FAM216A: variants seen among roughly 807,000 people sequenced by gnomAD.
FAM216A encodes protein FAM216A.
A neutral mutation model predicts 37.6 loss-of-function variants in FAM216A; 26 were observed. That is an observed-to-expected ratio of 0.69 (90% CI 0.51 to 0.96). The LOEUF is 0.96. Among genes scored for constraint, FAM216A ranks in the 40% least tolerant of loss-of-function variants. FAM216A has a pLI of 0.00. For missense variants in FAM216A, 326 were observed against 339.3 expected (o/e 0.96, Z 0.31); for synonymous variants, 110 against 121.7 (o/e 0.90, Z 0.64).
upstream of FAM216A, chr12:110,468,821 G>A (rs1466920155): frequency 4.1e-6 from 6 of 1,462,684 alleles, no homozygotes; most frequent in South Asian, 8.0e-5. Context: ...GCCAGCATCC[G>A]AGCCGCCTCT....
chr12:110,475,918 G>C (rs1302070325), intron 2 of FAM216A, among the ~76,000 whole-genome samples: 1 of 151,676 alleles, frequency 6.6e-6, no homozygotes, highest in Non-Finnish European at 1.5e-5. Flanking sequence ...TATATTTTTA[G>C]TAGAGATAGG....
rs957793499 is a variant in FAM216A, at chr12:110,468,867, G to T, written c.-9G>T. On this transcript the variant is annotated 5_prime_UTR_variant, in exon 1 of 7. Coordinates refer to ENST00000377673, the MANE Select transcript of FAM216A (RefSeq NM_013300.3). ...AGCAGCCTGACGCACGCGTGCTGTC[G>T]GGGGAGGGATGCTGGGACAGCTGCT... 1 of 1,497,306 alleles carries T rather than the reference G, an allele frequency of 6.7e-7. No individual in the cohort carries two copies. Among genetic ancestry groups the T allele is most frequent in the Non-Finnish European group, 8.9e-7 (1 of 1,123,658 alleles). 92.8% of individuals were successfully genotyped at this position (1,497,306 alleles called of 1,614,324 possible).
intron 2 of FAM216A, among the ~76,000 whole-genome samples, chr12:110,474,705 A>G (rs1177728606): frequency 6.8e-6 from 1 of 147,320 alleles, no homozygotes. Flanking sequence ...AAAAAAAAAA[A>G]AAAAAAAAAA....
In FAM216A at chr12:110,469,126, G is replaced by A. The variant is rs557246690; in HGVS notation, c.143+108G>A. 7.4e-5 allele frequency: 93 copies of A among 1,265,220 alleles called. 1 individual carries two copies. In the South Asian group the frequency reaches 1.7e-3, roughly 23 times the overall value. The allele number at this position is 1,265,220 out of a possible 1,614,324, so 78.4% of individuals were successfully genotyped here. A position where few individuals can be genotyped will look rare whatever the true frequency, so the allele number is the denominator to read the frequency against. On this transcript the variant is annotated intron_variant, in intron 1 of 6. Coordinates refer to ENST00000377673, the MANE Select transcript of FAM216A (RefSeq NM_013300.3). ...AGGGCTGCGGCCGACCTCTCGTCTC[G>A]GGGGCTGGCCCCGGTGCCCTCAAGT...
At chr12:110,482,591 C>A (rs182624351) in intron 2 of FAM216A, among the ~76,000 whole-genome samples, 8 of 150,898 alleles carry the variant, frequency 5.3e-5, no homozygotes, top group African/African-American at 1.9e-4. Flanking sequence ...CTCAGGAGAT[C>A]GAGACCATCC....
At chr12:110,486,761 A>ATT (rs370427865) in intron 5 of FAM216A, 44 bp downstream of exon 5, 59 of 1,290,248 alleles carry the variant, frequency 4.6e-5, no homozygotes, top group Non-Finnish European at 5.1e-5. Context: ...TCTCAGTTTA[A>ATT]TTTTTTTTTT....
At chr12:110,468,738 G>C, upstream of FAM216A, 2 of 1,490,834 alleles carry the variant, frequency 1.3e-6, no homozygotes, top group Non-Finnish European at 1.8e-6. Flanking sequence ...GTAACTCCGG[G>C]GTCGCGGATC....
intron 1 of FAM216A, 53 bp from the exon 2 acceptor site, chr12:110,473,025 C>A (rs1163082291): frequency 7.5e-6 from 4 of 534,034 alleles, no homozygotes; most frequent in African/African-American, 2.1e-5. Context: ...TTGTTCAGTG[C>A]TTGTAACATT....
At chr12:110,480,494 C>T (rs1015222530) in intron 2 of FAM216A, among the ~76,000 whole-genome samples, 3 of 151,718 alleles carry the variant, frequency 2.0e-5, no homozygotes, top group Admixed American at 6.6e-5. Context: ...TGAGCCACCA[C>T]GCCCAGCCTA....
upstream of FAM216A, chr12:110,468,551 G>C (rs746034393): frequency 3.3e-6 from 5 of 1,537,174 alleles, no homozygotes; most frequent in African/African-American, 5.5e-5. Flanking sequence ...GCAGACGTTT[G>C]ACCTGTATGG....
At chr12:110,469,080 G>A (rs575740467) in intron 1 of FAM216A, 62 bp downstream of exon 1, 244 of 1,375,392 alleles carry the variant, frequency 1.8e-4, no homozygotes, top group Non-Finnish European at 2.2e-4. Flanking sequence ...TGAGGCCCCC[G>A]GGTCGTGAGC....
At chr12:110,477,929 A>C in intron 2 of FAM216A, among the ~76,000 whole-genome samples, 2 of 147,566 alleles carry the variant, frequency 1.4e-5, no homozygotes, top group South Asian at 4.3e-4. Context: ...AGATGGTCTC[A>C]ATCTCCTGAC....
chr12:110,485,164 CT>C lies in FAM216A; in HGVS notation c.272del (p.Leu91ProfsTer5). 6.2e-7 allele frequency: 1 copy of C among 1,612,386 alleles called. No homozygotes were observed. Among genetic ancestry groups the C allele is most frequent in the Non-Finnish European group, 8.5e-7 (1 of 1,179,582 alleles). ...AACTCCCCAAAATCAAACAATCCAC[CT>C]CTCTAAATCAATGATGGAGGCGTCC... ...WKTPQNQTIH[L>X]SKSMMEASFF... On this transcript the variant is annotated frameshift_variant, in exon 3 of 7. Transcript: ENST00000377673. LOFTEE classifies it high-confidence loss of function.
At chr12:110,485,221 T>G in intron 3 of FAM216A, 22 bp downstream of exon 3, 1 of 1,593,330 alleles carries the variant, frequency 6.3e-7, no homozygotes, top group Non-Finnish European at 8.5e-7. Context: ...GGGACATATT[T>G]AAATACCAAT....
rs1490340166 is a variant in FAM216A, at chr12:110,474,278, A to G, written c.184+1160A>G. On this transcript the variant is annotated intron_variant, in intron 2 of 6. Coordinates refer to ENST00000377673, the MANE Select transcript of FAM216A (RefSeq NM_013300.3). Reference sequence around the variant, plus strand: ...TATATTCCAGATGTGGAGGGAAATAAAGAAATATTAACAATTATCAGTATA... The same window carrying G: ...TATATTCCAGATGTGGAGGGAAATAGAGAAATATTAACAATTATCAGTATA... Among the ~76,000 whole-genome samples the G allele has an allele frequency of 2.6e-5, 4 of 152,268 alleles. No homozygotes were observed. The East Asian group carries it at 7.7e-4, about 29-fold the overall frequency.
chr12:110,487,787 TG>T, intron 5 of FAM216A, 73 bp from the exon 6 acceptor site: 4 of 866,470 alleles, frequency 4.6e-6, no homozygotes, highest in Non-Finnish European at 7.6e-6. Context: ...AAAACAAATT[TG>T]TGTGGTCTTC....
upstream of FAM216A, chr12:110,468,639 A>G (rs746006306): frequency 1.8e-4 from 272 of 1,537,112 alleles, no homozygotes; most frequent in Non-Finnish European, 2.2e-4. Flanking sequence ...GGGAGCATGT[A>G]TATTTCCCTC....
In FAM216A at chr12:110,490,000, AT is replaced by A. The variant is rs1352673956; in HGVS notation, c.704-17del. ...TTATTTCCAAAACAGACAATTGTAA[AT>A]TCTTATTTTTCCTTCAGTTTCTTCA... On this transcript the variant is annotated intron_variant, in intron 6 of 6. Coordinates refer to ENST00000377673, the MANE Select transcript of FAM216A (RefSeq NM_013300.3). 6.1e-6 allele frequency: 7 copies of A among 1,142,798 alleles called. No individual in the cohort carries two copies. The highest frequency in any genetic ancestry group is 9.3e-6 in the Non-Finnish European group (7 of 756,506). The allele number at this position is 1,142,798 out of a possible 1,614,324, so 70.8% of individuals were successfully genotyped here.
At chr12:110,483,599 G>A (rs559554228) in intron 2 of FAM216A, among the ~76,000 whole-genome samples, 17 of 152,288 alleles carry the variant, frequency 1.1e-4, no homozygotes, top group Non-Finnish European at 1.9e-4. Context: ...CAACGCAGGC[G>A]GATCACCTGA....
Sources: gnomAD v4.1 joint callset for allele counts (sites outside exome capture counted in the v4.1 genomes callset) on GRCh38, gnomAD v4.1.1 for gene constraint, MANE v1.5 for transcripts, NCBI Gene and HGNC (gene_info 2026-07-23, HGNC 2026-07-21) for gene names.